The following DOP1A variants were observed in gnomAD, a reference collection of about 807,000 sequenced individuals.
The protein encoded by DOP1A is DOP1 leucine zipper like protein A, also known as protein DOP1A.
A neutral mutation model predicts 267.6 loss-of-function variants in DOP1A; 90 were observed. The observed-to-expected ratio is 0.34, with a 90% CI of 0.28 to 0.40. The LOEUF is 0.40. Ranked by LOEUF, DOP1A falls within the 10% of genes least tolerant of loss-of-function variation. The probability of loss-of-function intolerance (pLI) is 1.00; values close to 1 mark genes in which losing one functional copy is unlikely to be tolerated. For synonymous variants in DOP1A, 932 were observed against 999.1 expected (o/e 0.93, Z 1.27); for missense variants, 2,437 against 2,900.4 (o/e 0.84, Z 3.67).
At chr6:83,167,248 T>A in intron 38 of DOP1A, 4 of 977,930 alleles carry the variant, frequency 4.1e-6, no homozygotes, top group Non-Finnish European at 4.9e-6. Context: ...CTCAATTCCT[T>A]TGACTCCAGG....
At chr6:83,071,043 C>G (rs769588594) in intron 1 of DOP1A, among the ~76,000 whole-genome samples, 8 of 152,292 alleles carry the variant, frequency 5.3e-5, no homozygotes, top group Non-Finnish European at 4.4e-5. Context: ...AAATCAAAGT[C>G]CCCTTAATTT....
chr6:83,110,368 A>T, intron 6 of DOP1A, 54 bp downstream of exon 6: 8 of 1,531,678 alleles, frequency 5.2e-6, no homozygotes, highest in Non-Finnish European at 7.1e-6. Context: ...AGAGTCAGGC[A>T]CTATTCCAGA....
At chr6:83,124,564 G>A (rs112798492) in intron 12 of DOP1A, 141 bp from the exon 13 acceptor site, 3 of 682,120 alleles carry the variant, frequency 4.4e-6, no homozygotes, top group Middle Eastern at 3.2e-4. Flanking sequence ...GTGGCCTGGG[G>A]GAAATAAAAT....
rs1456181028 is a variant in DOP1A at position 83,120,806 on chromosome 6, C to T, written c.1099+15C>T. 2 of 1,476,230 alleles carry T rather than the reference C, an allele frequency of 1.4e-6. No individual in the cohort carries two copies. Among genetic ancestry groups the T allele is most frequent in the East Asian group, 4.6e-5 (2 of 43,440 alleles). The allele number at this position is 1,476,230 out of a possible 1,614,324, so 91.4% of individuals were successfully genotyped here. A position where few individuals can be genotyped will look rare whatever the true frequency, so the allele number is the denominator to read the frequency against. ...ACCTGAGCTAGGTAATGTATACTGT[C>T]CTAGGGCATAAGGTCATGTGTGGTA... is the stretch of plus-strand genomic sequence containing the variant. On this transcript the variant is annotated intron_variant, in intron 10 of 38. Coordinates refer to ENST00000349129, the MANE Select transcript of DOP1A (RefSeq NM_015018.4).
chr6:83,099,129 A>G (rs1177925917), intron 3 of DOP1A, among the ~76,000 whole-genome samples: 1 of 152,154 alleles, frequency 6.6e-6, no homozygotes, highest in Non-Finnish European at 1.5e-5. Flanking sequence ...TCCCCATATT[A>G]TAATAAGGGC....
At chr6:83,140,428 T>C in intron 23 of DOP1A, 25 bp downstream of exon 23, 1 of 1,558,376 alleles carries the variant, frequency 6.4e-7, no homozygotes, top group Non-Finnish European at 8.7e-7. Context: ...ATTTAATCTG[T>C]AGAGCTCAAG....
At chr6:83,159,508 C>G (rs559709828) in intron 36 of DOP1A, among the ~76,000 whole-genome samples, 1 of 151,582 alleles carries the variant, frequency 6.6e-6, no homozygotes, top group Admixed American at 6.6e-5. Flanking sequence ...CCAGGCTGGT[C>G]TCAAATTCCT....
Position 83,163,061 on chromosome 6 carries a change from T to C in DOP1A, c.7092+142T>C, listed in dbSNP as rs1784606985. On this transcript the variant is annotated intron_variant, in intron 38 of 38. Coordinates refer to ENST00000349129, the MANE Select transcript of DOP1A (RefSeq NM_015018.4). ...ACAAGTCCCCAGTTTTGAGAGTTAA[T>C]GTCCATAAGCCTCATATTTCCAGAC... 6 of 861,592 alleles carry C rather than the reference T, an allele frequency of 7.0e-6. No homozygotes were observed. In the Admixed American group the frequency reaches 1.0e-4, roughly 15 times the overall value. 53.4% of individuals were successfully genotyped at this position (861,592 alleles called of 1,614,324 possible).
chr6:83,103,457 A>C (rs979364658), intron 4 of DOP1A, among the ~76,000 whole-genome samples: 1 of 152,058 alleles, frequency 6.6e-6, no homozygotes. Flanking sequence ...GTAACCAAAC[A>C]CCACCTATTC....
chr6:83,124,477 C>T (rs142696638), intron 12 of DOP1A, among the ~76,000 whole-genome samples: 47 of 152,162 alleles, frequency 3.1e-4, no homozygotes, highest in Admixed American at 1.4e-3. Context: ...CAGAACACTT[C>T]GAAGTACAGG....
intron 38 of DOP1A, 125 bp downstream of exon 38, chr6:83,163,044 C>T (rs1010560796): frequency 5.4e-6 from 6 of 1,113,108 alleles, no homozygotes; most frequent in Non-Finnish European, 7.5e-6. Context: ...AAACAAGTCC[C>T]CAGTTTTGAG....
intron 1 of DOP1A, among the ~76,000 whole-genome samples, chr6:83,078,146 A>G (rs1767448537): frequency 6.6e-6 from 1 of 152,242 alleles, no homozygotes; most frequent in Non-Finnish European, 1.5e-5. Context: ...AGTCTTGAAC[A>G]GTGGACAATT....
At chr6:83,086,480 G>A (rs973615979) in intron 1 of DOP1A, among the ~76,000 whole-genome samples, 2 of 152,050 alleles carry the variant, frequency 1.3e-5, no homozygotes, top group South Asian at 2.1e-4. Context: ...GAAAATCCAC[G>A]AAGAAACGGA....
Position 83,137,415 on chromosome 6 carries a change from G to A in DOP1A, c.3373G>A (p.Glu1125Lys), listed in dbSNP as rs1268858949. 8.7e-6 allele frequency: 14 copies of A among 1,613,798 alleles called. No homozygotes were observed. Among genetic ancestry groups the A allele is most frequent in the South Asian group, 6.6e-5 (6 of 91,064 alleles). ...CTCTGCTGGGGACAACTTGAGTTAC[G>A]AAGTTGATCCTGAAACCGTGAATGC... ...QSSAGDNLSY[E>K]VDPETVNAQE... is the part of the protein sequence containing the mutation. The change falls in exon 21 of 39, where the codon GAA becomes AAA. Residue 1125 changes from glutamate to lysine, a missense_variant. Around this residue, in one of 9 missense-constraint regions of DOP1A, gnomAD observed 878 missense variants for 992.9 expected, o/e 0.88. Coordinates refer to ENST00000349129, the MANE Select transcript of DOP1A (RefSeq NM_015018.4).
chr6:83,162,768 G>T, intron 37 of DOP1A, 22 bp from the exon 38 acceptor site: 1 of 1,592,114 alleles, frequency 6.3e-7, no homozygotes, highest in South Asian at 1.1e-5. Context: ...TACTGATGCT[G>T]ATGTCATTAT....
intron 11 of DOP1A, 54 bp downstream of exon 11, chr6:83,122,104 A>G (rs1776459653): frequency 6.3e-7 from 1 of 1,584,850 alleles, no homozygotes; most frequent in Admixed American, 1.8e-5. Context: ...TATTCACTTA[A>G]TATAAACTTG....
At chr6:83,117,797 G>A (rs572607995) in intron 7 of DOP1A, among the ~76,000 whole-genome samples, 134 of 152,286 alleles carry the variant, frequency 8.8e-4, no homozygotes, top group Middle Eastern at 3.4e-3. Flanking sequence ...TAGGGGTCTT[G>A]AACCATACTT....
intron 6 of DOP1A, among the ~76,000 whole-genome samples, chr6:83,112,354 G>A (rs1437677743): frequency 1.3e-5 from 2 of 150,968 alleles, no homozygotes; most frequent in Non-Finnish European, 3.0e-5. Flanking sequence ...TGTCAGATGG[G>A]CAAAAATACA....
rs550634234 is a variant in DOP1A, at chr6:83,143,374, A to G, written c.5541+1328A>G. On this transcript the variant is annotated intron_variant, in intron 24 of 38. Coordinates refer to ENST00000349129, the MANE Select transcript of DOP1A (RefSeq NM_015018.4). ...CACATAGAGCAATGCCTAGCACTTA[A>G]TAATCACTGTGTAAATATTAGCTAT... Among the ~76,000 whole-genome samples the G allele has an allele frequency of 1.1e-4, 16 of 152,364 alleles. No homozygotes were observed. In the East Asian group the frequency reaches 2.1e-3, roughly 20 times the overall value.
Sources: allele counts gnomAD v4.1 joint callset (sites outside exome capture counted in the v4.1 genomes callset), GRCh38; gene constraint gnomAD v4.1.1; regional missense constraint gnomAD v4.1.1; transcripts MANE v1.5; gene names NCBI Gene and HGNC (gene_info 2026-07-23, HGNC 2026-07-21).